Variants in VWC2L observed in about 807,000 individuals in gnomAD.
The protein encoded by VWC2L is von Willebrand factor C domain-containing protein 2-like.
In VWC2L, 10 loss-of-function variants were observed where a neutral mutation model predicts 21.6. The observed-to-expected ratio is 0.46, with a 90% confidence interval of 0.29 to 0.78. The LOEUF (loss-of-function observed/expected upper bound fraction) is 0.78. Among genes scored for constraint, VWC2L ranks in the 30% least tolerant of loss-of-function variants. VWC2L has a pLI of 0.10. For missense variants in VWC2L, 209 were observed against 277.1 expected (o/e 0.75, Z 1.74); for synonymous variants, 96 against 94.3 (o/e 1.02, Z -0.10).
At chr2:214,528,830 C>T (rs1405944808) in intron 3 of VWC2L, among the ~76,000 whole-genome samples, 1 of 152,190 alleles carries the variant, frequency 6.6e-6, no homozygotes, top group Non-Finnish European at 1.5e-5. Context: ...ACCATTCTCT[C>T]TCTAATCATT....
At chr2:214,482,096 A>G (rs1485757260) in intron 3 of VWC2L, among the ~76,000 whole-genome samples, 1 of 152,220 alleles carries the variant, frequency 6.6e-6, no homozygotes, top group Non-Finnish European at 1.5e-5. Context: ...AAAATATACG[A>G]AAATAAATGC....
chr2:214,572,465 T>C (rs6735115), intron 3 of VWC2L, among the ~76,000 whole-genome samples: 47,571 of 152,068 alleles, frequency 0.31, 8,997 homozygotes, highest in African/African-American at 0.55. Context: ...TGCTTTGCCA[T>C]TGAATTCACT....
At chr2:214,421,066 C>T (rs965216915) in intron 2 of VWC2L, among the ~76,000 whole-genome samples, 4 of 152,148 alleles carry the variant, frequency 2.6e-5, no homozygotes, top group African/African-American at 9.7e-5. Flanking sequence ...AATTTTTATA[C>T]TCTTTGAGTA....
chr2:214,558,574 C>T (rs1002215696), intron 3 of VWC2L, among the ~76,000 whole-genome samples: 1 of 152,162 alleles, frequency 6.6e-6, no homozygotes, highest in Non-Finnish European at 1.5e-5. Flanking sequence ...ACTCTATTGC[C>T]TAAATATTGC....
chr2:214,428,814 CAAA>C lies in VWC2L; in HGVS notation c.391-7797_391-7795del, dbSNP rs11431112. On this transcript the variant is annotated intron_variant, in intron 2 of 3. Transcript: ENST00000312504. ...GAAAATCTTTGCACACAGACAGTGG[CAAA>C]AAAAAAAAAAAAAAAAAGGAGTTCC... Among the ~76,000 whole-genome samples, 755 of 98,300 alleles carry C rather than the reference CAAA, an allele frequency of 7.7e-3. 9 individuals are homozygous for C. The highest frequency in any genetic ancestry group is 0.05 in the Admixed American group (482 of 9,596). The allele number at this position is 98,300 out of a possible 152,430, so 64.5% of individuals were successfully genotyped here. A position where few individuals can be genotyped will look rare whatever the true frequency, so the allele number is the denominator to read the frequency against.
intron 3 of VWC2L, among the ~76,000 whole-genome samples, chr2:214,511,472 G>A (rs1488089099): frequency 6.6e-6 from 1 of 152,080 alleles, no homozygotes; most frequent in Non-Finnish European, 1.5e-5. Flanking sequence ...GGCCTTATAA[G>A]AAGAGGAAGA....
chr2:214,541,690 C>T (rs927413969), intron 3 of VWC2L, among the ~76,000 whole-genome samples: 2 of 152,128 alleles, frequency 1.3e-5, no homozygotes, highest in Non-Finnish European at 2.9e-5. Context: ...ATGGTTTTCC[C>T]ATCTCTAAAA....
At chr2:214,471,753 A>G (rs1195181460) in intron 3 of VWC2L, among the ~76,000 whole-genome samples, 1 of 152,194 alleles carries the variant, frequency 6.6e-6, no homozygotes, top group Non-Finnish European at 1.5e-5. Context: ...GCTCTGGAAC[A>G]TATTCATAGG....
chr2:214,540,435 T>C (rs12478047), intron 3 of VWC2L, among the ~76,000 whole-genome samples: 44,027 of 151,980 alleles, frequency 0.29, 6,802 homozygotes, highest in East Asian at 0.48. Context: ...GCCCATGCCC[T>C]TCTGTGAGCC....
chr2:214,555,020 A>G (rs1295467965), intron 3 of VWC2L, among the ~76,000 whole-genome samples: 4 of 152,194 alleles, frequency 2.6e-5, no homozygotes, highest in African/African-American at 9.7e-5. Context: ...CATGTCTGAT[A>G]AAAGACATTT....
At chr2:214,522,571 G>T (rs933822238) in intron 3 of VWC2L, among the ~76,000 whole-genome samples, 1 of 151,644 alleles carries the variant, frequency 6.6e-6, no homozygotes, top group African/African-American at 2.4e-5. Flanking sequence ...TGGAGAATGA[G>T]GTATCCATCC....
intron 3 of VWC2L, among the ~76,000 whole-genome samples, chr2:214,446,600 A>C (rs1431162708): frequency 6.6e-6 from 1 of 152,192 alleles, no homozygotes; most frequent in African/African-American, 2.4e-5. Context: ...AAAATGCAGA[A>C]AGGAAGGCTA....
intron 3 of VWC2L, among the ~76,000 whole-genome samples, chr2:214,462,440 T>A (rs1169765929): frequency 6.6e-6 from 1 of 152,204 alleles, no homozygotes; most frequent in Non-Finnish European, 1.5e-5. Context: ...TAAATTACGG[T>A]GTGCTCTCTT....
intron 3 of VWC2L, among the ~76,000 whole-genome samples, chr2:214,521,915 G>A (rs1401746929): frequency 6.6e-6 from 1 of 152,216 alleles, no homozygotes; most frequent in African/African-American, 2.4e-5. Flanking sequence ...GCATTAATGA[G>A]AGGATTGTAC....
intron 3 of VWC2L, among the ~76,000 whole-genome samples, chr2:214,546,446 A>G (rs553596060): frequency 7.2e-5 from 11 of 152,160 alleles, no homozygotes; most frequent in Non-Finnish European, 1.5e-4. Flanking sequence ...GGCATGCAAA[A>G]GTACTTCTTT....
intron 3 of VWC2L, among the ~76,000 whole-genome samples, chr2:214,522,285 G>T (rs1379543987): frequency 1.4e-5 from 2 of 147,500 alleles, no homozygotes; most frequent in Non-Finnish European, 3.0e-5. Context: ...TGACGCAGGA[G>T]AATGGCGTGA....
rs1333258325 is a variant in VWC2L at position 214,414,424 on chromosome 2, C to T, written c.231C>T (p.Val77=). ...CTGGGCATTCCAACTGTCCATGTGT[C>T]TGTGCTCTAGATGGACCTGTTTGCG... is the stretch of plus-strand genomic sequence containing the variant. The part of the protein sequence containing the change: ...FFPGHSNCPC[V]CALDGPVCDQ... Residue 77 remains valine, a synonymous_variant, in exon 2 of 4, where the codon GTC becomes GTT. Transcript: ENST00000312504. The T allele has an allele frequency of 1.9e-6, 3 of 1,613,456 alleles. No individual in the cohort carries two copies. The African/African-American group carries it at 4.0e-5, about 22-fold the overall frequency.
intron 3 of VWC2L, among the ~76,000 whole-genome samples, chr2:214,503,296 G>A (rs949520800): frequency 2.0e-5 from 3 of 152,048 alleles, no homozygotes; most frequent in Non-Finnish European, 2.9e-5. Context: ...GAGATAGGAA[G>A]CAAAGTGCCT....
chr2:214,567,664 C>T (rs375404761), intron 3 of VWC2L, among the ~76,000 whole-genome samples: 2 of 151,908 alleles, frequency 1.3e-5, no homozygotes, highest in African/African-American at 2.4e-5. Context: ...AGCATCATCC[C>T]AGGTGCTATC....
Sources: gnomAD v4.1 joint callset for allele counts (sites outside exome capture counted in the v4.1 genomes callset) on GRCh38, gnomAD v4.1.1 for gene constraint, MANE v1.5 for transcripts, NCBI Gene and HGNC (gene_info 2026-07-23, HGNC 2026-07-21) for gene names.